Variants in NUBPL observed in about 807,000 individuals in gnomAD.
The protein encoded by NUBPL is NUBP iron-sulfur cluster assembly factor, mitochondrial.
NUBPL carries 31 observed loss-of-function variants against 45.7 expected under a neutral mutation model. That is an observed-to-expected ratio of 0.68 (90% confidence interval 0.51 to 0.92). NUBPL has a LOEUF of 0.92. Among genes scored for constraint, NUBPL ranks in the 40% least tolerant of loss-of-function variants. NUBPL has a pLI of 0.00. For synonymous variants in NUBPL, 144 were observed against 140.9 expected (o/e 1.02, Z -0.15); for missense variants, 401 against 398.7 (o/e 1.01, Z -0.05).
Position 31,782,643 on chromosome 14 carries a change from A to G in NUBPL, c.514-5137A>G, listed in dbSNP as rs888116667. 2.6e-5 allele frequency among the ~76,000 whole-genome samples: 4 copies of G among 151,860 alleles called. No individual in the cohort carries two copies. The East Asian group carries it at 7.8e-4, about 30-fold the overall frequency. The stretch of plus-strand genomic sequence containing the variant: ...CTGTCTCTACTAAAAATAGAAAAAC[A>G]TTAGCCAATTGTGATGGCGGGCACC... On this transcript the variant is annotated intron_variant, in intron 6 of 10. Coordinates refer to ENST00000281081, the MANE Select transcript of NUBPL (RefSeq NM_025152.3).
intron 6 of NUBPL, among the ~76,000 whole-genome samples, chr14:31,748,890 G>A (rs1207846117): frequency 3.3e-5 from 5 of 152,118 alleles, no homozygotes; most frequent in African/African-American, 1.2e-4. Flanking sequence ...AGGATTACAG[G>A]TGTGAGCCAC....
chr14:31,858,426 A>C (rs2040659259), intron 10 of NUBPL, among the ~76,000 whole-genome samples: 2 of 152,214 alleles, frequency 1.3e-5, no homozygotes, highest in Non-Finnish European at 2.9e-5. Context: ...AGAGGATATA[A>C]GTAATTTTGC....
intron 3 of NUBPL, among the ~76,000 whole-genome samples, chr14:31,566,604 A>G (rs956178773): frequency 6.6e-6 from 1 of 152,048 alleles, no homozygotes. Flanking sequence ...TGGCCTGCCA[A>G]AAGTGTCCAC....
At chr14:31,780,484 T>C (rs1247450708) in intron 6 of NUBPL, among the ~76,000 whole-genome samples, 1 of 152,188 alleles carries the variant, frequency 6.6e-6, no homozygotes, top group African/African-American at 2.4e-5. Flanking sequence ...CCACCCTTGT[T>C]CACAAAGGAT....
At chr14:31,765,270 A>C (rs1025250173) in intron 6 of NUBPL, among the ~76,000 whole-genome samples, 3 of 152,258 alleles carry the variant, frequency 2.0e-5, no homozygotes, top group Non-Finnish European at 4.4e-5. Context: ...AATTTTCAAA[A>C]AGCCATTTAA....
At chr14:31,649,465 G>A (rs566135065) in intron 4 of NUBPL, among the ~76,000 whole-genome samples, 3 of 152,180 alleles carry the variant, frequency 2.0e-5, no homozygotes, top group African/African-American at 7.2e-5. Context: ...AAATGTGAAA[G>A]TAATTGTTTA....
At chr14:31,597,735 A>C (rs968412114) in intron 3 of NUBPL, among the ~76,000 whole-genome samples, 2 of 152,148 alleles carry the variant, frequency 1.3e-5, no homozygotes, top group African/African-American at 4.8e-5. Flanking sequence ...GGTATTTATT[A>C]TTATTTGGCA....
intron 4 of NUBPL, among the ~76,000 whole-genome samples, chr14:31,651,862 G>A (rs189921373): frequency 6.7e-6 from 1 of 149,262 alleles, no homozygotes; most frequent in Non-Finnish European, 1.5e-5. Context: ...TAGTGCCACT[G>A]CACTCCAGCC....
At chr14:31,674,649 A>G (rs895394112) in intron 6 of NUBPL, among the ~76,000 whole-genome samples, 1 of 152,202 alleles carries the variant, frequency 6.6e-6, no homozygotes, top group Non-Finnish European at 1.5e-5. Context: ...CTATCAGAGA[A>G]TATAGAATAG....
At chr14:31,643,597 G>C (rs751375446) in intron 4 of NUBPL, among the ~76,000 whole-genome samples, 2 of 152,028 alleles carry the variant, frequency 1.3e-5, no homozygotes, top group Non-Finnish European at 2.9e-5. Flanking sequence ...TAGTGTTGTT[G>C]GGTCTATAGT....
At chr14:31,579,983 T>C (rs1377847210) in intron 3 of NUBPL, among the ~76,000 whole-genome samples, 2 of 152,248 alleles carry the variant, frequency 1.3e-5, no homozygotes, top group East Asian at 1.9e-4. Context: ...CTGACCCTGA[T>C]TGAAAAGGCA....
intron 3 of NUBPL, among the ~76,000 whole-genome samples, chr14:31,592,072 G>T (rs2034156753): frequency 6.6e-6 from 1 of 152,120 alleles, no homozygotes; most frequent in Non-Finnish European, 1.5e-5. Context: ...AAATATGATA[G>T]TTTCCATTGA....
At chr14:31,741,903 C>CAG (rs1163101944) in intron 6 of NUBPL, among the ~76,000 whole-genome samples, 1 of 152,050 alleles carries the variant, frequency 6.6e-6, no homozygotes, top group African/African-American at 2.4e-5. Flanking sequence ...CCTGTTAGGA[C>CAG]AGAGTTGCAA....
chr14:31,666,261 A>ATG (rs764274831), intron 4 of NUBPL, among the ~76,000 whole-genome samples: 46 of 90,680 alleles, frequency 5.1e-4, no homozygotes, highest in African/African-American at 1.7e-3. Flanking sequence ...ATATATATAT[A>ATG]TAATTTTATT....
chr14:31,802,690 C>T (rs991821255), intron 7 of NUBPL, among the ~76,000 whole-genome samples: 1 of 152,112 alleles, frequency 6.6e-6, no homozygotes, highest in Non-Finnish European at 1.5e-5. Context: ...ACTTATTTTC[C>T]TTATAAATTA....
In NUBPL at chr14:31,654,316, CT is replaced by C. The variant is rs1170662750; in HGVS notation, c.383-19036del. On this transcript the variant is annotated intron_variant, in intron 4 of 10. Transcript: ENST00000281081. ...CTTCAGTGAATGGTAATCTTTTTGC[CT>C]TTGGATGGTGTTGCCTGCATGTGAA... Among the ~76,000 whole-genome samples the C allele has an allele frequency of 2.6e-5, 4 of 151,850 alleles. No individual in the cohort carries two copies. The East Asian group carries it at 5.8e-4, about 22-fold the overall frequency.
chr14:31,680,869 T>A (rs1288091229), intron 6 of NUBPL, among the ~76,000 whole-genome samples: 1 of 152,108 alleles, frequency 6.6e-6, no homozygotes, highest in Non-Finnish European at 1.5e-5. Flanking sequence ...ATATTTTTGA[T>A]CTGCAGTTGG....
intron 7 of NUBPL, among the ~76,000 whole-genome samples, chr14:31,792,979 C>T (rs2039409813): frequency 6.6e-6 from 1 of 152,216 alleles, no homozygotes; most frequent in Admixed American, 6.5e-5. Context: ...CTGTCAAAAT[C>T]ATGTCTGCTC....
intron 6 of NUBPL, among the ~76,000 whole-genome samples, chr14:31,719,097 A>G (rs1013340666): frequency 2.6e-5 from 4 of 152,142 alleles, no homozygotes; most frequent in Admixed American, 6.6e-5. Context: ...ATTTGGGCAA[A>G]ATGATATCCA....
Sources: gnomAD v4.1 joint callset for allele counts (sites outside exome capture counted in the v4.1 genomes callset) on GRCh38, gnomAD v4.1.1 for gene constraint, MANE v1.5 for transcripts, NCBI Gene and HGNC (gene_info 2026-07-23, HGNC 2026-07-21) for gene names.